RNF150: variants seen among roughly 807,000 people sequenced by gnomAD.
The protein encoded by RNF150 is ring finger protein 150.
Under a neutral mutation model 39.3 loss-of-function variants are expected in RNF150, and 24 were observed. The ratio of observed to expected loss-of-function variants is 0.61; its 90% CI spans 0.44 to 0.86. The LOEUF (loss-of-function observed/expected upper bound fraction) is 0.86. RNF150 is among the 40% of genes least tolerant of loss of function. The pLI, the probability that RNF150 is intolerant of heterozygous loss-of-function variation, is 0.00. For missense variants in RNF150, 502 were observed against 587.8 expected, an observed-to-expected ratio of 0.85 and a Z score of 1.51; for synonymous variants, 255 against 227.3, an observed-to-expected ratio of 1.12 and a Z score of -1.10.
chr4:141,077,528 T>G (rs1416221438), intron 1 of RNF150, among the ~76,000 whole-genome samples: 1 of 152,100 alleles, frequency 6.6e-6, no homozygotes, highest in Non-Finnish European at 1.5e-5. Flanking sequence ...TAATTATATG[T>G]GAGATAAAAA....
intron 1 of RNF150, among the ~76,000 whole-genome samples, chr4:141,010,066 AC>A (rs1735020010): frequency 6.6e-6 from 1 of 152,232 alleles, no homozygotes; most frequent in Admixed American, 6.5e-5. Context: ...AACTCAATAG[AC>A]AGTTTCTTAG....
At chr4:140,962,085 T>TCTCTA (rs1423213813) in intron 2 of RNF150, among the ~76,000 whole-genome samples, 8 of 146,182 alleles carry the variant, frequency 5.5e-5, no homozygotes, top group African/African-American at 1.5e-4. Flanking sequence ...CTCTCTACTC[T>TCTCTA]CTCTCTCTCT....
intron 1 of RNF150, among the ~76,000 whole-genome samples, chr4:141,154,035 C>T (rs991170310): frequency 2.6e-5 from 4 of 152,204 alleles, no homozygotes; most frequent in African/African-American, 7.2e-5. Context: ...AATCATTATA[C>T]TTATCTCATC....
intron 1 of RNF150, among the ~76,000 whole-genome samples, chr4:141,023,902 T>A (rs765815194): frequency 1.1e-4 from 16 of 152,186 alleles, no homozygotes; most frequent in Non-Finnish European, 2.9e-5. Flanking sequence ...AAACCTCAGT[T>A]TATAGCAATA....
At chr4:141,212,080 C>A (rs1728477648) in intron 1 of RNF150, among the ~76,000 whole-genome samples, 1 of 152,156 alleles carries the variant, frequency 6.6e-6, no homozygotes, top group African/African-American at 2.4e-5. Context: ...CCAGGTGCTA[C>A]CAAGACAATA....
At chr4:141,172,687 C>T (rs1727749692) in intron 1 of RNF150, among the ~76,000 whole-genome samples, 1 of 152,132 alleles carries the variant, frequency 6.6e-6, no homozygotes, top group Non-Finnish European at 1.5e-5. Flanking sequence ...TAACAACACT[C>T]ACTTGAGCAT....
intron 1 of RNF150, among the ~76,000 whole-genome samples, chr4:140,995,046 T>A (rs1224436924): frequency 6.6e-6 from 1 of 152,206 alleles, no homozygotes; most frequent in African/African-American, 2.4e-5. Context: ...TTGACTGTGA[T>A]AACCCTGTTG....
intron 1 of RNF150, among the ~76,000 whole-genome samples, chr4:140,969,490 TA>T (rs1228067664): frequency 1.3e-5 from 2 of 152,106 alleles, no homozygotes; most frequent in African/African-American, 4.8e-5. Context: ...TGTGGGGGAT[TA>T]AGGCTGCTGG....
At chr4:141,146,869 T>C (rs241867) in intron 1 of RNF150, among the ~76,000 whole-genome samples, 111,622 of 152,078 alleles carry the variant, frequency 0.73, 42,770 homozygotes, top group East Asian at 0.98. Flanking sequence ...CTCTCAAGAT[T>C]AGAGCAAGTT....
intron 1 of RNF150, among the ~76,000 whole-genome samples, chr4:141,048,578 T>C (rs138078788): frequency 6.6e-6 from 1 of 152,026 alleles, no homozygotes; most frequent in East Asian, 1.9e-4. Flanking sequence ...AGAAAAAATT[T>C]AAAAATTAAC....
rs867048571 is a variant in RNF150, at chr4:141,106,051, A to C, written c.484+26274T>G. On this transcript the variant is annotated intron_variant, in intron 1 of 6. Transcript: ENST00000515673. ...CACTCTGGCCCACTCACCTTACTTT[A>C]ACAATCAAATAAACTGTTTCCTTTT... is the stretch of plus-strand genomic sequence containing the variant. Among the ~76,000 whole-genome samples, 196 of 152,294 alleles carry C rather than the reference A, an allele frequency of 1.3e-3. 1 individual carries two copies. Among genetic ancestry groups the C allele is most frequent in the African/African-American group, 4.5e-3 (185 of 41,562 alleles).
At chr4:140,946,001 G>A (rs1732294848) in intron 4 of RNF150, among the ~76,000 whole-genome samples, 1 of 152,198 alleles carries the variant, frequency 6.6e-6, no homozygotes, top group Admixed American at 6.5e-5. Context: ...GTCTGCCTGT[G>A]TTTCTGGAAA....
At chr4:141,143,627 A>G (rs1727156508) in intron 1 of RNF150, among the ~76,000 whole-genome samples, 1 of 151,860 alleles carries the variant, frequency 6.6e-6, no homozygotes, top group Non-Finnish European at 1.5e-5. Context: ...TAAATCCCCC[A>G]CTTTAAGTGA....
intron 1 of RNF150, among the ~76,000 whole-genome samples, chr4:141,099,843 T>C (rs1006821655): frequency 6.6e-6 from 1 of 152,012 alleles, no homozygotes; most frequent in Non-Finnish European, 1.5e-5. Flanking sequence ...TATTGAGCCA[T>C]ACAGTATGTG....
Position 140,868,030 on chromosome 4 carries a change from A to T in RNF150, c.*231T>A. The T allele has an allele frequency of 2.1e-6, 1 of 478,450 alleles. No homozygotes were observed. Among genetic ancestry groups the T allele is most frequent in the Non-Finnish European group, 3.7e-6 (1 of 271,292 alleles). The allele number at this position is 478,450 out of a possible 1,614,324, so 29.6% of individuals were successfully genotyped here. ...TGTCTACATGGACATAGGAGTGGAA[A>T]TCAGCTTTCAACTTCCCAGCTGCCA... On this transcript the variant is annotated 3_prime_UTR_variant, in exon 7 of 7. Coordinates refer to ENST00000515673, the MANE Select transcript of RNF150 (RefSeq NM_020724.2).
intron 1 of RNF150, among the ~76,000 whole-genome samples, chr4:141,007,044 A>C (rs905631799): frequency 2.0e-5 from 3 of 152,224 alleles, no homozygotes; most frequent in African/African-American, 4.8e-5. Flanking sequence ...CAAAATTTTC[A>C]ATCTTTGCAT....
chr4:141,181,116 G>A (rs1166170988), intron 1 of RNF150, among the ~76,000 whole-genome samples: 2 of 152,054 alleles, frequency 1.3e-5, no homozygotes, highest in Admixed American at 6.6e-5. Flanking sequence ...ACAGTCTTTC[G>A]GGGTTTATTC....
chr4:141,064,888 G>A (rs1010660128), intron 1 of RNF150, among the ~76,000 whole-genome samples: 1 of 152,076 alleles, frequency 6.6e-6, no homozygotes, highest in African/African-American at 2.4e-5. Context: ...TTTTTGAGAC[G>A]GAGTTTCACT....
At chr4:140,923,391 C>T (rs1731243058) in intron 5 of RNF150, among the ~76,000 whole-genome samples, 2 of 152,166 alleles carry the variant, frequency 1.3e-5, no homozygotes, top group South Asian at 4.1e-4. Flanking sequence ...CACTGGCCAT[C>T]AGAGAAATGC....
Sources: allele counts gnomAD v4.1 joint callset (sites outside exome capture counted in the v4.1 genomes callset), GRCh38; gene constraint gnomAD v4.1.1; transcripts MANE v1.5; gene names NCBI Gene and HGNC (gene_info 2026-07-23, HGNC 2026-07-21).